Variants in BAZ2B observed in about 807,000 individuals in gnomAD.
BAZ2B encodes bromodomain adjacent to zinc finger domain protein 2B.
BAZ2B carries 91 observed loss-of-function variants against 246.0 expected under a neutral mutation model. The observed-to-expected ratio is 0.37, with a 90% CI of 0.31 to 0.44. BAZ2B has a LOEUF of 0.44. Ranked by LOEUF, BAZ2B falls within the 20% of genes least tolerant of loss-of-function variation. BAZ2B has a pLI of 1.00. For missense variants in BAZ2B, 2,332 were observed against 2,533.7 expected, an observed-to-expected ratio of 0.92 and a Z score of 1.71; for synonymous variants, 855 against 860.0, an observed-to-expected ratio of 0.99 and a Z score of 0.10.
At chr2:159,467,893 A>C (rs2077280030) in intron 3 of BAZ2B, among the ~76,000 whole-genome samples, 1 of 152,212 alleles carries the variant, frequency 6.6e-6, no homozygotes, top group Non-Finnish European at 1.5e-5. Flanking sequence ...ACATAGTTAT[A>C]ACTACAGATG....
intron 1 of BAZ2B, among the ~76,000 whole-genome samples, chr2:159,599,345 G>A (rs1392060387): frequency 2.0e-5 from 3 of 152,086 alleles, no homozygotes; most frequent in Non-Finnish European, 4.4e-5. Flanking sequence ...ACTGCCGAGC[G>A]CGGTGGCTCA....
intron 1 of BAZ2B, among the ~76,000 whole-genome samples, chr2:159,611,346 A>G (rs1329688349): frequency 1.3e-5 from 2 of 151,906 alleles, no homozygotes; most frequent in African/African-American, 4.8e-5. Flanking sequence ...CTCAACAAAA[A>G]TATGTTATGA....
chr2:159,368,722 A>T (rs2060483785), intron 27 of BAZ2B, among the ~76,000 whole-genome samples: 1 of 152,096 alleles, frequency 6.6e-6, no homozygotes, highest in African/African-American at 2.4e-5. Flanking sequence ...CCTTGTAACA[A>T]TCGAAGAATT....
chr2:159,655,139 G>A, the BAZ2B span, among the ~76,000 whole-genome samples: 1 of 152,108 alleles, frequency 6.6e-6, no homozygotes, highest in African/African-American at 2.4e-5. Context: ...ATGCACTATA[G>A]TCACATTAAA....
At chr2:159,533,221 T>C (rs2085559691) in intron 2 of BAZ2B, among the ~76,000 whole-genome samples, 1 of 152,194 alleles carries the variant, frequency 6.6e-6, no homozygotes, top group Non-Finnish European at 1.5e-5. Flanking sequence ...GTTATCTTGT[T>C]GTGGGAAATG....
At chr2:159,528,880 T>C (rs1224627938) in intron 2 of BAZ2B, among the ~76,000 whole-genome samples, 1 of 139,354 alleles carries the variant, frequency 7.2e-6, no homozygotes, top group African/African-American at 2.7e-5. Context: ...TAACACATTT[T>C]AAAAGGCTCA....
At chr2:159,474,266 G>A (rs186117470) in intron 3 of BAZ2B, among the ~76,000 whole-genome samples, 143 of 152,286 alleles carry the variant, frequency 9.4e-4, no homozygotes, top group African/African-American at 3.3e-3. Flanking sequence ...ATATATTTAG[G>A]ATAGTTAGCT....
At chr2:159,662,043 T>C in the BAZ2B span, among the ~76,000 whole-genome samples, 5 of 152,242 alleles carry the variant, frequency 3.3e-5, no homozygotes, top group Admixed American at 6.5e-5. Context: ...CAATCGACTG[T>C]CTGTCTCTGG....
intron 2 of BAZ2B, among the ~76,000 whole-genome samples, chr2:159,497,191 G>C (rs1483153141): frequency 5.3e-5 from 8 of 152,166 alleles, no homozygotes; most frequent in Admixed American, 5.2e-4. Context: ...TCGGAGTAGT[G>C]AGAGGGGTAC....
the BAZ2B span, chr2:159,690,004 A>G: frequency 5.0e-6 from 2 of 402,588 alleles, no homozygotes; most frequent in Admixed American, 3.6e-5. Flanking sequence ...ACATTTTGTT[A>G]CAAGTAAGAT....
intron 3 of BAZ2B, among the ~76,000 whole-genome samples, chr2:159,477,494 A>G (rs1410489559): frequency 6.6e-6 from 1 of 152,038 alleles, no homozygotes; most frequent in East Asian, 1.9e-4. Context: ...AAAAACAAAA[A>G]TAAATGAAAA....
intron 13 of BAZ2B, among the ~76,000 whole-genome samples, chr2:159,421,224 G>A (rs765370836): frequency 2.7e-4 from 41 of 151,008 alleles, no homozygotes; most frequent in Non-Finnish European, 5.2e-4. Context: ...ACCTAGGCTG[G>A]AGTACAATGG....
intron 2 of BAZ2B, among the ~76,000 whole-genome samples, chr2:159,501,893 A>G (rs1446488959): frequency 6.6e-6 from 1 of 152,200 alleles, no homozygotes; most frequent in Non-Finnish European, 1.5e-5. Flanking sequence ...GTTCATAGCT[A>G]TTGTTCATAA....
chr2:159,352,299 C>T (rs546000547), intron 27 of BAZ2B, among the ~76,000 whole-genome samples: 5 of 152,208 alleles, frequency 3.3e-5, no homozygotes, highest in South Asian at 2.1e-4. Flanking sequence ...TATTTCCTTA[C>T]GGAGATTTTC....
chr2:159,711,407 C>G, the BAZ2B span, among the ~76,000 whole-genome samples: 13 of 152,236 alleles, frequency 8.5e-5, no homozygotes, highest in East Asian at 2.5e-3. Context: ...CATGTACAGT[C>G]TGTTAGTCCC....
At chr2:159,380,334 T>C (rs762178088) in intron 25 of BAZ2B, among the ~76,000 whole-genome samples, 8 of 152,334 alleles carry the variant, frequency 5.3e-5, no homozygotes, top group Non-Finnish European at 1.0e-4. Context: ...AATTACAGCC[T>C]GGTAGGTGTG....
rs1466543208 is a variant in BAZ2B at position 159,616,257 on chromosome 2, G to GA, written c.-62dup. 5.3e-5 allele frequency: 8 copies of GA among 152,256 alleles called. No homozygotes were observed. The highest frequency in any genetic ancestry group is 5.2e-4 in the Admixed American group (8 of 15,286). 9.4% of individuals were successfully genotyped at this position (152,256 alleles called of 1,614,324 possible). ...TTAAACTCACCTTTACTCTCGAACT[G>GA]AGAGTTGCGGTAGATGGGATTTTTG... On this transcript the variant is annotated 5_prime_UTR_variant, in exon 1 of 37. Transcript: ENST00000392783.
At chr2:159,484,092 T>C (rs143520546) in intron 2 of BAZ2B, among the ~76,000 whole-genome samples, 21 of 152,184 alleles carry the variant, frequency 1.4e-4, no homozygotes, top group African/African-American at 5.1e-4. Context: ...TGGCATTGAG[T>C]GGAGATAGAG....
At chr2:159,554,077 T>C (rs2088731467) in intron 2 of BAZ2B, among the ~76,000 whole-genome samples, 1 of 152,194 alleles carries the variant, frequency 6.6e-6, no homozygotes, top group African/African-American at 2.4e-5. Context: ...AGGTTTCTAA[T>C]ATCAGTCACT....
Sources: allele counts gnomAD v4.1 joint callset (sites outside exome capture counted in the v4.1 genomes callset), GRCh38; gene constraint gnomAD v4.1.1; transcripts MANE v1.5; gene names NCBI Gene and HGNC (gene_info 2026-07-23, HGNC 2026-07-21).